The following NEDD4L variants were observed in gnomAD, a reference collection of about 807,000 sequenced individuals.
NEDD4L encodes the protein E3 ubiquitin-protein ligase NEDD4-like.
A neutral mutation model predicts 148.9 loss-of-function variants in NEDD4L; 54 were observed. That is an observed-to-expected ratio of 0.36 (90% CI 0.29 to 0.45). The LOEUF (loss-of-function observed/expected upper bound fraction) is 0.45, where lower values mean the gene tolerates loss of function less well. NEDD4L is among the 20% of genes least tolerant of loss of function. The probability of loss-of-function intolerance (pLI) is 1.00; values close to 1 mark genes in which losing one functional copy is unlikely to be tolerated. For missense variants in NEDD4L, 856 were observed against 1,233.8 expected, an observed-to-expected ratio of 0.69 and a Z score of 4.59; for synonymous variants, 433 against 440.7, an observed-to-expected ratio of 0.98 and a Z score of 0.22.
intron 2 of NEDD4L, among the ~76,000 whole-genome samples, chr18:58,210,443 TTTTG>T (rs943007888): frequency 5.9e-5 from 9 of 152,050 alleles, no homozygotes; most frequent in South Asian, 4.2e-4. Context: ...CCAGCTGAGG[TTTTG>T]TTTGTTTGTT....
intron 6 of NEDD4L, 92 bp downstream of exon 6, chr18:58,316,124 C>G: frequency 9.4e-7 from 1 of 1,064,558 alleles, no homozygotes; most frequent in Non-Finnish European, 1.4e-6. Flanking sequence ...CATTTCTTCA[C>G]CACGGTGAAG....
At chr18:58,131,718 T>C (rs1032676090) in intron 1 of NEDD4L, among the ~76,000 whole-genome samples, 32 of 151,810 alleles carry the variant, frequency 2.1e-4, no homozygotes, top group African/African-American at 7.3e-4. Context: ...TTGGGCTCTG[T>C]TGGGGTTTGG....
intron 2 of NEDD4L, among the ~76,000 whole-genome samples, chr18:58,229,740 C>T: frequency 6.6e-6 from 1 of 152,004 alleles, no homozygotes; most frequent in East Asian, 1.9e-4. Flanking sequence ...GCCTGTAAGC[C>T]CAACACTTTG....
intron 2 of NEDD4L, among the ~76,000 whole-genome samples, chr18:58,219,807 A>G (rs1433887638): frequency 2.6e-5 from 4 of 152,252 alleles, no homozygotes; most frequent in Non-Finnish European, 4.4e-5. Flanking sequence ...AATTAAGCCC[A>G]TCACAATCAG....
chr18:58,293,513 G>T (rs981216991), intron 5 of NEDD4L, among the ~76,000 whole-genome samples: 1 of 152,194 alleles, frequency 6.6e-6, no homozygotes, highest in Non-Finnish European at 1.5e-5. Flanking sequence ...CCCAGGTTGT[G>T]TACAAGAAAG....
intron 1 of NEDD4L, among the ~76,000 whole-genome samples, chr18:58,126,320 A>G (rs2031085131): frequency 6.6e-6 from 1 of 152,214 alleles, no homozygotes; most frequent in African/African-American, 2.4e-5. Flanking sequence ...GAGCCCCTGG[A>G]GAACCCTATC....
intron 5 of NEDD4L, among the ~76,000 whole-genome samples, chr18:58,297,912 A>G (rs545401000): frequency 6.6e-6 from 1 of 152,248 alleles, no homozygotes; most frequent in South Asian, 2.1e-4. Context: ...GGAGCCCCCT[A>G]TTACAAGTGC....
chr18:58,087,466 G>A (rs1266744501), intron 1 of NEDD4L, among the ~76,000 whole-genome samples: 1 of 152,080 alleles, frequency 6.6e-6, no homozygotes, highest in Non-Finnish European at 1.5e-5. Flanking sequence ...CACATTTTAG[G>A]AATTTTTCTT....
At chr18:58,203,285 A>G (rs757073679) in intron 2 of NEDD4L, among the ~76,000 whole-genome samples, 21 of 152,340 alleles carry the variant, frequency 1.4e-4, no homozygotes, top group Middle Eastern at 6.8e-3. Context: ...ATACTTAGAT[A>G]TACTTAAATA....
At chr18:58,137,466 G>C (rs1452740281) in intron 1 of NEDD4L, among the ~76,000 whole-genome samples, 1 of 152,186 alleles carries the variant, frequency 6.6e-6, no homozygotes, top group East Asian at 1.9e-4. Flanking sequence ...AGTGGGGAGT[G>C]GGTTTATTAG....
chr18:58,390,798 G>A (rs1451802293), intron 29 of NEDD4L, 56 bp downstream of exon 29: 2 of 1,316,368 alleles, frequency 1.5e-6, no homozygotes, highest in African/African-American at 2.9e-5. Flanking sequence ...AGCCAGGCAT[G>A]AACTCTGGCC....
chr18:58,120,279 G>T (rs534612636), intron 1 of NEDD4L, among the ~76,000 whole-genome samples: 1 of 152,202 alleles, frequency 6.6e-6, no homozygotes, highest in Admixed American at 6.5e-5. Flanking sequence ...TCTGATGTCA[G>T]CCAAGAGCAG....
chr18:58,391,635 A>G lies in NEDD4L; in HGVS notation c.2825+76A>G, dbSNP rs1602058414. 3.0e-6 allele frequency: 3 copies of G among 988,998 alleles called. No homozygotes were observed. In the East Asian group the frequency reaches 7.8e-5, roughly 26 times the overall value. The allele number at this position is 988,998 out of a possible 1,614,324, so 61.3% of individuals were successfully genotyped here. Reference sequence around the variant, plus strand: ...TGGGTATGGTGCTGGGCTCAAGGCTATTGAATGCTCTGTTTCCTGTCTGTA... The same window carrying G: ...TGGGTATGGTGCTGGGCTCAAGGCTGTTGAATGCTCTGTTTCCTGTCTGTA... On this transcript the variant is annotated intron_variant, in intron 30 of 30. Coordinates refer to ENST00000400345, the MANE Select transcript of NEDD4L (RefSeq NM_001144967.3).
intron 1 of NEDD4L, among the ~76,000 whole-genome samples, chr18:58,105,447 G>A (rs1177103660): frequency 6.6e-6 from 1 of 152,130 alleles, no homozygotes; most frequent in African/African-American, 2.4e-5. Flanking sequence ...TCCTGTGCCT[G>A]GCAGTGCCTA....
chr18:58,335,638 G>C, intron 13 of NEDD4L, 101 bp downstream of exon 13: 1 of 875,496 alleles, frequency 1.1e-6, no homozygotes, highest in Admixed American at 1.8e-5. Flanking sequence ...AATAAGATTA[G>C]CTCCTTTGTG....
chr18:58,394,577 T>A (rs1325681937), intron 30 of NEDD4L, among the ~76,000 whole-genome samples: 1 of 152,216 alleles, frequency 6.6e-6, no homozygotes, highest in Non-Finnish European at 1.5e-5. Context: ...ATTAATATGA[T>A]AATAGAAAGT....
At chr18:58,281,388 T>C (rs1247502976) in intron 5 of NEDD4L, among the ~76,000 whole-genome samples, 1 of 152,046 alleles carries the variant, frequency 6.6e-6, no homozygotes, top group Non-Finnish European at 1.5e-5. Context: ...TTAGCATAAC[T>C]GTGTAGTACA....
chr18:58,340,837 T>A, intron 13 of NEDD4L: 1 of 544,550 alleles, frequency 1.8e-6, no homozygotes, highest in Non-Finnish European at 3.1e-6. Flanking sequence ...ACTCTGCAAC[T>A]GTATGGGGTT....
intron 2 of NEDD4L, among the ~76,000 whole-genome samples, chr18:58,178,667 C>G (rs2038459426): frequency 6.6e-6 from 1 of 152,192 alleles, no homozygotes; most frequent in African/African-American, 2.4e-5. Flanking sequence ...TGTATAATAT[C>G]AACACAAGGG....
Sources: allele counts gnomAD v4.1 joint callset (sites outside exome capture counted in the v4.1 genomes callset), GRCh38; gene constraint gnomAD v4.1.1; transcripts MANE v1.5; gene names NCBI Gene and HGNC (gene_info 2026-07-23, HGNC 2026-07-21).